CLSTN1: variants seen among roughly 807,000 people sequenced by gnomAD.
The protein encoded by CLSTN1 is calsyntenin 1.
In CLSTN1, 28 loss-of-function variants were observed where a neutral mutation model predicts 108.3. That is an observed-to-expected ratio of 0.26 (90% CI 0.19 to 0.35). The LOEUF (loss-of-function observed/expected upper bound fraction) is 0.35. CLSTN1 is among the 10% of genes least tolerant of loss of function. The pLI, the probability that CLSTN1 is intolerant of heterozygous loss-of-function variation, is 1.00. For synonymous variants in CLSTN1, 524 were observed against 534.9 expected, an observed-to-expected ratio of 0.98 and a Z score of 0.28; for missense variants, 1,157 against 1,302.6, an observed-to-expected ratio of 0.89 and a Z score of 1.72.
intron 7 of CLSTN1, among the ~76,000 whole-genome samples, chr1:9,747,692 C>G (rs562211255): frequency 6.6e-6 from 1 of 151,922 alleles, no homozygotes; most frequent in Non-Finnish European, 1.5e-5. Flanking sequence ...GCGGGGGTTT[C>G]ATCATGTTGA....
chr1:9,732,410 A>T (rs1444083674), intron 16 of CLSTN1, among the ~76,000 whole-genome samples: 1 of 152,164 alleles, frequency 6.6e-6, no homozygotes, highest in Non-Finnish European at 1.5e-5. Context: ...CCAAAACAAG[A>T]GCAGAAAAAG....
At chr1:9,739,200 ACAC>A (rs1174817931) in intron 10 of CLSTN1, among the ~76,000 whole-genome samples, 1 of 152,184 alleles carries the variant, frequency 6.6e-6, no homozygotes, top group Non-Finnish European at 1.5e-5. Flanking sequence ...TGTAGGCTAC[ACAC>A]CACAGCAGTT....
At chr1:9,816,129 G>A (rs1654959370) in intron 1 of CLSTN1, among the ~76,000 whole-genome samples, 1 of 152,054 alleles carries the variant, frequency 6.6e-6, no homozygotes, top group Non-Finnish European at 1.5e-5. Context: ...GTGAATAAAT[G>A]GATAAACAGA....
chr1:9,756,811 C>T (rs1243037017), intron 2 of CLSTN1, among the ~76,000 whole-genome samples: 1 of 152,062 alleles, frequency 6.6e-6, no homozygotes, highest in African/African-American at 2.4e-5. Flanking sequence ...GACAGAGTCT[C>T]GCTCTGTCAC....
At chr1:9,797,276 A>T (rs759775681) in intron 1 of CLSTN1, among the ~76,000 whole-genome samples, 1 of 151,778 alleles carries the variant, frequency 6.6e-6, no homozygotes, top group Non-Finnish European at 1.5e-5. Context: ...ATGCAGTGAG[A>T]CCCTGTCCAA....
At chr1:9,760,198 A>G (rs1652002544) in intron 2 of CLSTN1, among the ~76,000 whole-genome samples, 1 of 152,190 alleles carries the variant, frequency 6.6e-6, no homozygotes, top group Non-Finnish European at 1.5e-5. Context: ...AGTTCCACCA[A>G]CAGGATATGG....
chr1:9,733,572 T>C (rs146077302), intron 15 of CLSTN1, 26 bp from the exon 16 acceptor site: 2 of 1,612,806 alleles, frequency 1.2e-6, no homozygotes, highest in East Asian at 4.5e-5. Context: ...GGGGGAAGAT[T>C]GCCGGGTGGC....
intron 5 of CLSTN1, 83 bp from the exon 6 acceptor site, chr1:9,749,996 A>G: frequency 8.7e-7 from 1 of 1,149,292 alleles, no homozygotes. Context: ...GACAAAATGC[A>G]TAGGCTTTAA....
At chr1:9,756,387 G>T in intron 3 of CLSTN1, 94 bp downstream of exon 3, 2 of 948,148 alleles carry the variant, frequency 2.1e-6, no homozygotes, top group South Asian at 1.4e-5. Flanking sequence ...AAAAGAGCAT[G>T]ACAGTTTCTC....
intron 1 of CLSTN1, among the ~76,000 whole-genome samples, chr1:9,794,785 C>T (rs1285334010): frequency 6.6e-6 from 1 of 151,510 alleles, no homozygotes; most frequent in Non-Finnish European, 1.5e-5. Context: ...TAGGACAGGG[C>T]ACCATCCTTA....
At chr1:9,760,691 T>G (rs1401243203) in intron 2 of CLSTN1, among the ~76,000 whole-genome samples, 5 of 143,312 alleles carry the variant, frequency 3.5e-5, no homozygotes, top group Admixed American at 1.4e-4. Flanking sequence ...CGGGTTTTTT[T>G]TTTTTTTTTT....
At chr1:9,758,862 G>T (rs529653373) in intron 2 of CLSTN1, among the ~76,000 whole-genome samples, 1 of 152,286 alleles carries the variant, frequency 6.6e-6, no homozygotes, top group African/African-American at 2.4e-5. Context: ...ATGGTGTCAT[G>T]ATTATTTCGG....
intron 10 of CLSTN1, 152 bp from the exon 11 acceptor site, chr1:9,737,706 CAA>C (rs1479000585): frequency 1.5e-6 from 1 of 674,196 alleles, no homozygotes; most frequent in Non-Finnish European, 2.6e-6. Flanking sequence ...CATCTGGACG[CAA>C]GCTTGTATTT....
chr1:9,731,967 C>G, intron 16 of CLSTN1, 71 bp from the exon 17 acceptor site: 1 of 1,592,168 alleles, frequency 6.3e-7, no homozygotes, highest in Non-Finnish European at 8.6e-7. Flanking sequence ...CAGTGGAGTC[C>G]CGCAGCTGGC....
chr1:9,755,587 C>T (rs1651770714), intron 3 of CLSTN1, among the ~76,000 whole-genome samples: 1 of 152,146 alleles, frequency 6.6e-6, no homozygotes, highest in Non-Finnish European at 1.5e-5. Flanking sequence ...AAAATATAGA[C>T]AGGCATTCCA....
intron 1 of CLSTN1, among the ~76,000 whole-genome samples, chr1:9,777,337 T>G (rs998246948): frequency 2.7e-5 from 4 of 150,416 alleles, no homozygotes; most frequent in Non-Finnish European, 5.9e-5. Context: ...CTGACCAATA[T>G]GGTAAAATCC....
chr1:9,741,447 G>A (rs527750351), intron 9 of CLSTN1, among the ~76,000 whole-genome samples, 191 bp from the exon 10 acceptor site: 7 of 152,226 alleles, frequency 4.6e-5, no homozygotes, highest in South Asian at 4.2e-4. Context: ...TCCAAACTAC[G>A]GGGGCTGCAT....
At chr1:9,738,325 T>TGAG (rs1650798596) in intron 10 of CLSTN1, among the ~76,000 whole-genome samples, 1 of 152,166 alleles carries the variant, frequency 6.6e-6, no homozygotes, top group Non-Finnish European at 1.5e-5. Context: ...CAGGTCATGC[T>TGAG]GAGGGGAAAG....
intron 1 of CLSTN1, among the ~76,000 whole-genome samples, chr1:9,789,335 C>T (rs1000230858): frequency 6.6e-6 from 1 of 151,392 alleles, no homozygotes; most frequent in African/African-American, 2.4e-5. Context: ...TCTCCACCTC[C>T]TTCCCAGCAC....
Sources: gnomAD v4.1 joint callset for allele counts (sites outside exome capture counted in the v4.1 genomes callset) on GRCh38, gnomAD v4.1.1 for gene constraint, MANE v1.5 for transcripts, NCBI Gene and HGNC (gene_info 2026-07-23, HGNC 2026-07-21) for gene names.